Variants in ERCC8 observed in about 807,000 individuals in gnomAD.
ERCC8 encodes DNA excision repair protein ERCC-8.
Under a neutral mutation model 54.9 loss-of-function variants are expected in ERCC8, and 52 were observed. The ratio of observed to expected loss-of-function variants is 0.95; its 90% CI spans 0.76 to 1.19. ERCC8 has a LOEUF of 1.19. Ranked by LOEUF, ERCC8 falls within the 50% of genes most tolerant of loss-of-function variation. ERCC8 has a pLI of 0.00. For missense variants in ERCC8, 514 were observed against 466.1 expected (o/e 1.10, Z -0.95); for synonymous variants, 146 against 157.2 (o/e 0.93, Z 0.53).
At chr5:60,911,952 T>A (rs1429790383) in intron 4 of ERCC8, among the ~76,000 whole-genome samples, 1 of 152,204 alleles carries the variant, frequency 6.6e-6, no homozygotes, top group Non-Finnish European at 1.5e-5. Flanking sequence ...TAGGTCTATA[T>A]CTCTGTTTTG....
At chr5:60,893,438 T>C (rs781484832) in intron 9 of ERCC8, 22 of 927,766 alleles carry the variant, frequency 2.4e-5, no homozygotes, top group Middle Eastern at 2.2e-4. Flanking sequence ...AGCCTCTCGA[T>C]TGGCATGATC....
intron 9 of ERCC8, among the ~76,000 whole-genome samples, chr5:60,895,040 G>A (rs1007318689): frequency 2.0e-5 from 3 of 151,838 alleles, no homozygotes; most frequent in Non-Finnish European, 2.9e-5. Context: ...GCCTGGTGGC[G>A]GGTACCTGTA....
At position 60,868,051 on chromosome 5, in the gene ERCC8, A is replaced by T. The variant is rs1395381074; in HGVS notation, c.*6564T>A. 2.0e-5 allele frequency among the ~76,000 whole-genome samples: 3 copies of T among 152,152 alleles called. No individual in the cohort carries two copies. Among genetic ancestry groups the T allele is most frequent in the Non-Finnish European group, 2.9e-5 (2 of 68,010 alleles). On this transcript the variant is annotated 3_prime_UTR_variant, in exon 12 of 12. Coordinates refer to ENST00000676185, the MANE Select transcript of ERCC8 (RefSeq NM_000082.4). The stretch of plus-strand genomic sequence containing the variant: ...CAAAATAAGCCAGGCATGGTGGCGC[A>T]TGCCTGTAATCCCAGCTACTTGGGA...
chr5:60,922,419 C>A (rs1749626326), intron 2 of ERCC8, among the ~76,000 whole-genome samples: 1 of 151,808 alleles, frequency 6.6e-6, no homozygotes, highest in Non-Finnish European at 1.5e-5. Flanking sequence ...GTGACAGAAA[C>A]AAGACGGCAA....
chr5:60,888,850 C>T (rs1185073515), intron 10 of ERCC8, among the ~76,000 whole-genome samples: 2 of 152,140 alleles, frequency 1.3e-5, no homozygotes, highest in African/African-American at 4.8e-5. Context: ...AAGTAACCAA[C>T]AAAATCATAT....
intron 1 of ERCC8, among the ~76,000 whole-genome samples, chr5:60,941,703 C>T (rs1197905264): frequency 6.6e-6 from 1 of 152,062 alleles, no homozygotes; most frequent in East Asian, 1.9e-4. Context: ...TATAGGAAAA[C>T]AATGATTTGA....
At chr5:60,904,657 T>TAC (rs1749012570) in intron 5 of ERCC8, 135 bp downstream of exon 5, 1 of 135,534 alleles carries the variant, frequency 7.4e-6, no homozygotes, top group Non-Finnish European at 1.4e-5. Context: ...TATATATATA[T>TAC]ATATATATAT....
intron 2 of ERCC8, chr5:60,924,437 C>G (rs1749691268): frequency 6.5e-6 from 1 of 154,480 alleles, no homozygotes; most frequent in South Asian, 2.0e-4. Context: ...TATCTGAAAT[C>G]AGTTTGGCTG....
intron 1 of ERCC8, among the ~76,000 whole-genome samples, chr5:60,939,462 C>T (rs1257342864): frequency 1.3e-5 from 2 of 148,686 alleles, no homozygotes; most frequent in Non-Finnish European, 3.0e-5. Flanking sequence ...GTTTGGATTC[C>T]CCGGTTGCAA....
intron 2 of ERCC8, among the ~76,000 whole-genome samples, chr5:60,925,997 C>G (rs1442814017): frequency 6.6e-6 from 1 of 151,820 alleles, no homozygotes; most frequent in Non-Finnish European, 1.5e-5. Flanking sequence ...CTAATTTTTT[C>G]TATTTTTAGT....
rs1405831034 is a variant in ERCC8, at chr5:60,873,406, G to C, written c.*1209C>G. 6.6e-6 allele frequency among the ~76,000 whole-genome samples: 1 copy of C among 152,176 alleles called. No homozygotes were observed. The highest frequency in any genetic ancestry group is 2.4e-5 in the African/African-American group (1 of 41,446). On this transcript the variant is annotated 3_prime_UTR_variant, in exon 12 of 12. Transcript: ENST00000676185. Reference sequence around the variant, plus strand: ...AACTCAACAACTGGCTGGGTGCAGTGGCTCAAGCTTATAATTCCAGCACTT... The same window carrying C: ...AACTCAACAACTGGCTGGGTGCAGTCGCTCAAGCTTATAATTCCAGCACTT...
At chr5:60,891,133 T>TA in intron 9 of ERCC8, 47 bp from the exon 10 acceptor site, 3 of 1,298,296 alleles carry the variant, frequency 2.3e-6, no homozygotes, top group Non-Finnish European at 3.3e-6. Context: ...AATCTGAATT[T>TA]AAAACACAAC....
chr5:60,875,158 G>A (rs1284855065), intron 11 of ERCC8, among the ~76,000 whole-genome samples: 1 of 152,068 alleles, frequency 6.6e-6, no homozygotes, highest in Non-Finnish European at 1.5e-5. Context: ...TACCAAATAT[G>A]GAGAATAAGG....
chr5:60,886,907 A>G (rs1182046548), intron 11 of ERCC8, among the ~76,000 whole-genome samples: 1 of 152,068 alleles, frequency 6.6e-6, no homozygotes, highest in Non-Finnish European at 1.5e-5. Flanking sequence ...CAAGTAGGTA[A>G]ATATTTGAAT....
At chr5:60,903,840 CA>C (rs2112493135) in intron 5 of ERCC8, 124 bp from the exon 6 acceptor site, 1 of 884,118 alleles carries the variant, frequency 1.1e-6, no homozygotes, top group African/African-American at 1.7e-5. Flanking sequence ...AGATATATGC[CA>C]AAATTACATT....
At chr5:60,891,175 C>T (rs898383113) in intron 9 of ERCC8, 89 bp from the exon 10 acceptor site, 92 of 875,770 alleles carry the variant, frequency 1.1e-4, no homozygotes, top group Non-Finnish European at 3.8e-5. Context: ...AAATATTATG[C>T]TATAAAAAGG....
chr5:60,877,364 C>A (rs1174966226), intron 11 of ERCC8, among the ~76,000 whole-genome samples: 6 of 152,172 alleles, frequency 3.9e-5, no homozygotes, highest in Non-Finnish European at 5.9e-5. Context: ...GCAATGCGGG[C>A]TCTTTTTTGG....
chr5:60,887,223 G>T (rs879285573), intron 11 of ERCC8, among the ~76,000 whole-genome samples: 10 of 151,740 alleles, frequency 6.6e-5, no homozygotes, highest in Admixed American at 2.0e-4. Context: ...ATGCTTTTTT[G>T]TTGTTGTTGT....
At chr5:60,895,908 G>A (rs1459690402) in intron 9 of ERCC8, among the ~76,000 whole-genome samples, 1 of 152,142 alleles carries the variant, frequency 6.6e-6, no homozygotes, top group African/African-American at 2.4e-5. Context: ...TTGAACCAGG[G>A]CATTAACTTT....
Sources: allele counts gnomAD v4.1 joint callset (sites outside exome capture counted in the v4.1 genomes callset), GRCh38; gene constraint gnomAD v4.1.1; transcripts MANE v1.5; gene names NCBI Gene and HGNC (gene_info 2026-07-23, HGNC 2026-07-21).